SLC75A1: variants seen among roughly 807,000 people sequenced by gnomAD.
The protein encoded by SLC75A1 is solute carrier family 75 member 1, also known as major facilitator superfamily domain containing 10.
the SLC75A1 span, chr4:2,933,260 G>C: frequency 6.4e-7 from 1 of 1,552,502 alleles, no homozygotes; most frequent in Admixed American, 1.7e-5. Context: ...ATGAGCTGTG[G>C]TCTTGGGGCC....
At chr4:2,933,212 G>A in the SLC75A1 span, 90 of 1,613,308 alleles carry the variant, frequency 5.6e-5, no homozygotes, top group Middle Eastern at 1.2e-3. Context: ...AATGAGACCT[G>A]AGAGACAGAT....
At chr4:2,934,261 C>G in the SLC75A1 span, 1 of 312,526 alleles carries the variant, frequency 3.2e-6, no homozygotes, top group South Asian at 4.7e-5. Context: ...CGAGAGAAAA[C>G]TTGAAGCCGC....
chr4:2,930,654 G>C, the SLC75A1 span: 2 of 631,730 alleles, frequency 3.2e-6, no homozygotes, highest in East Asian at 2.8e-5. Flanking sequence ...TTGGAGTGCT[G>C]CAGCTCGGAG....
the SLC75A1 span, chr4:2,931,031 G>A: frequency 6.2e-7 from 1 of 1,610,392 alleles, no homozygotes; most frequent in Non-Finnish European, 8.5e-7. Flanking sequence ...TTGGCCCCCA[G>A]CCTGCCCCAG....
the SLC75A1 span, chr4:2,931,065 A>G: frequency 1.2e-6 from 2 of 1,604,874 alleles, no homozygotes; most frequent in African/African-American, 1.3e-5. Context: ...CCTCACCTGA[A>G]GCGGCCACCA....
the SLC75A1 span, chr4:2,932,866 G>A: frequency 4.3e-6 from 6 of 1,390,854 alleles, no homozygotes; most frequent in Admixed American, 2.8e-5. Context: ...GCCCTATTTC[G>A]AAGCATCTGA....
chr4:2,933,995 G>A, the SLC75A1 span: 3 of 1,469,782 alleles, frequency 2.0e-6, no homozygotes, highest in Non-Finnish European at 2.7e-6. Context: ...GTCCTCCGGG[G>A]CCTGGCATAC....
chr4:2,933,269 C>T, the SLC75A1 span: 15 of 1,485,148 alleles, frequency 1.0e-5, no homozygotes, highest in Non-Finnish European at 1.4e-5. Context: ...GGTCTTGGGG[C>T]CCTCAAGGCC....
chr4:2,933,774 C>A, the SLC75A1 span: 1 of 1,597,000 alleles, frequency 6.3e-7, no homozygotes, highest in East Asian at 2.3e-5. Context: ...CGTGGCTCTC[C>A]AACAGCCCGG....
the SLC75A1 span, chr4:2,932,761 G>T: frequency 1.3e-6 from 2 of 1,551,940 alleles, no homozygotes; most frequent in Non-Finnish European, 1.7e-6. Context: ...ACACCCATCT[G>T]CCCAGGGGCA....
the SLC75A1 span, chr4:2,932,264 C>T: frequency 6.4e-7 from 1 of 1,552,754 alleles, no homozygotes. Context: ...TCCCTGGCAT[C>T]TGGGGCTGGC....
chr4:2,931,730 G>A, the SLC75A1 span: 1 of 1,555,272 alleles, frequency 6.4e-7, no homozygotes, highest in Non-Finnish European at 8.8e-7. Context: ...CAGGGCGAGA[G>A]TGGCTGCCAA....
the SLC75A1 span, chr4:2,931,992 C>T: frequency 2.6e-5 from 41 of 1,603,494 alleles, no homozygotes; most frequent in East Asian, 6.7e-5. Flanking sequence ...GGGCGCCGCC[C>T]GGGGAAGCCC....
the SLC75A1 span, chr4:2,930,973 T>C: frequency 6.2e-7 from 1 of 1,612,800 alleles, no homozygotes; most frequent in South Asian, 1.1e-5. Flanking sequence ...GACGGTGGCG[T>C]CACCCAGTCC....
At chr4:2,932,896 T>C in the SLC75A1 span, 2 of 1,201,380 alleles carry the variant, frequency 1.7e-6, no homozygotes, top group Non-Finnish European at 2.3e-6. Flanking sequence ...GCGTTCTCAG[T>C]GCCTTCCTAG....
chr4:2,933,825 C>G, the SLC75A1 span: 6 of 1,590,610 alleles, frequency 3.8e-6, no homozygotes, highest in Admixed American at 1.1e-4. Context: ...GGAGGTCCAG[C>G]AGGAGGCCGA....
the SLC75A1 span, chr4:2,932,075 C>T: frequency 2.7e-5 from 43 of 1,610,952 alleles, 2 homozygotes; most frequent in South Asian, 3.7e-4. Context: ...TGGCCACGAG[C>T]GACAGCCGAG....
At chr4:2,932,345 C>A in the SLC75A1 span, 2 of 1,611,434 alleles carry the variant, frequency 1.2e-6, no homozygotes, top group South Asian at 2.2e-5. Context: ...CAGACCACAG[C>A]CCTACCCGTT....
At chr4:2,932,208 C>T in the SLC75A1 span, 44 of 1,558,424 alleles carry the variant, frequency 2.8e-5, no homozygotes, top group Middle Eastern at 3.5e-4. Flanking sequence ...TGGCAACCCA[C>T]GGACTGTGGC....
Sources: gnomAD v4.1 joint callset for allele counts on GRCh38, gnomAD v4.1.1 for gene constraint, MANE v1.5 for transcripts, NCBI Gene and HGNC (gene_info 2026-07-23, HGNC 2026-07-21) for gene names.